Variants in RAB30 observed in about 807,000 individuals in gnomAD.
The protein encoded by RAB30 is RAB30, member RAS oncogene family.
In RAB30, 9 loss-of-function variants were observed where a neutral mutation model predicts 25.1. That is an observed-to-expected ratio of 0.36 (90% CI 0.22 to 0.63). The LOEUF (loss-of-function observed/expected upper bound fraction) is 0.63. RAB30 is among the 20% of genes least tolerant of loss of function. The pLI is 0.69. For missense variants in RAB30, 140 were observed against 243.5 expected (o/e 0.58, Z 2.83); for synonymous variants, 77 against 86.4 (o/e 0.89, Z 0.60).
At chr11:83,050,297 A>G (rs184094518) in intron 1 of RAB30, among the ~76,000 whole-genome samples, 2 of 152,018 alleles carry the variant, frequency 1.3e-5, no homozygotes, top group East Asian at 3.9e-4. Flanking sequence ...GAATCCCTTT[A>G]TTTACTCATT....
chr11:83,061,475 G>C (rs545072636), intron 1 of RAB30, among the ~76,000 whole-genome samples: 1 of 152,142 alleles, frequency 6.6e-6, no homozygotes, highest in Non-Finnish European at 1.5e-5. Context: ...TAATGGTATT[G>C]TGATTACATG....
At chr11:83,048,902 A>G (rs111292648) in intron 1 of RAB30, among the ~76,000 whole-genome samples, 2,852 of 152,032 alleles carry the variant, frequency 0.019, 75 homozygotes, top group East Asian at 0.11. Flanking sequence ...GAGTGGCTGT[A>G]CTCCACCCTT....
intron 1 of RAB30, chr11:83,035,777 C>T (rs900871172): frequency 4.9e-4 from 75 of 152,194 alleles, no homozygotes; most frequent in African/African-American, 1.7e-3. Context: ...GTAATCAGAT[C>T]GAGTATCACT....
At chr11:82,984,551 C>T (rs992444895) in intron 4 of RAB30, among the ~76,000 whole-genome samples, 2 of 152,178 alleles carry the variant, frequency 1.3e-5, no homozygotes, top group African/African-American at 2.4e-5. Context: ...AACACGATGC[C>T]ACGCGTGGTC....
At chr11:83,003,815 ATT>A (rs1459447043) in intron 1 of RAB30, among the ~76,000 whole-genome samples, 1 of 152,066 alleles carries the variant, frequency 6.6e-6, no homozygotes, top group Non-Finnish European at 1.5e-5. Flanking sequence ...AATTATATAA[ATT>A]TTTTTCTATA....
At chr11:83,047,408 C>A (rs923859776) in intron 1 of RAB30, among the ~76,000 whole-genome samples, 2 of 152,172 alleles carry the variant, frequency 1.3e-5, no homozygotes, top group African/African-American at 4.8e-5. Flanking sequence ...ATCTTAATAG[C>A]CATGGACCCA....
At chr11:83,015,380 G>C in intron 1 of RAB30, among the ~76,000 whole-genome samples, 1 of 152,148 alleles carries the variant, frequency 6.6e-6, no homozygotes, top group East Asian at 1.9e-4. Context: ...GGATGGGAAA[G>C]AAAGAAAGAA....
chr11:83,049,349 T>C (rs1858303378), intron 1 of RAB30, among the ~76,000 whole-genome samples: 1 of 149,212 alleles, frequency 6.7e-6, no homozygotes, highest in African/African-American at 2.5e-5. Context: ...AGGCGGAGGT[T>C]GCAGTGAGCC....
chr11:83,005,293 G>T (rs1857161783), intron 1 of RAB30, among the ~76,000 whole-genome samples: 1 of 152,076 alleles, frequency 6.6e-6, no homozygotes, highest in Non-Finnish European at 1.5e-5. Context: ...TTTCTCCTCT[G>T]CCAGAACACA....
At chr11:83,042,791 A>C (rs1858156488) in intron 1 of RAB30, among the ~76,000 whole-genome samples, 1 of 152,214 alleles carries the variant, frequency 6.6e-6, no homozygotes, top group Admixed American at 6.5e-5. Flanking sequence ...TAATTATACA[A>C]ATTCAGATTG....
chr11:83,050,017 G>C (rs1327755217), intron 1 of RAB30, among the ~76,000 whole-genome samples: 1 of 152,108 alleles, frequency 6.6e-6, no homozygotes, highest in Non-Finnish European at 1.5e-5. Flanking sequence ...CAGTGCTTTG[G>C]GAGGCTACAG....
In RAB30 at chr11:82,973,845, GA is replaced by G. The variant is rs1565261505; in HGVS notation, c.*8319del. The G allele has an allele frequency of 6.6e-6, 1 of 152,052 alleles. No homozygotes were observed. The highest frequency in any genetic ancestry group is 2.1e-4 in the South Asian group (1 of 4,822). The allele number at this position is 152,052 out of a possible 1,614,324, so 9.4% of individuals were successfully genotyped here. On this transcript the variant is annotated 3_prime_UTR_variant, in exon 5 of 5. Transcript: ENST00000527633. ...GCAGCATTATTATAATCAAAAGGTGGAAAAAACCCAAATGTCCATCAAATGA... is the reference window on the plus strand; with the variant it reads ...GCAGCATTATTATAATCAAAAGGTGGAAAAACCCAAATGTCCATCAAATGA...
chr11:83,054,219 TGCC>T (rs1336243211), intron 1 of RAB30, among the ~76,000 whole-genome samples: 2 of 152,206 alleles, frequency 1.3e-5, no homozygotes, highest in Non-Finnish European at 1.5e-5. Flanking sequence ...CAGGGTCAGG[TGCC>T]CCTCCTCTAT....
chr11:83,058,234 C>T (rs1858495502), intron 1 of RAB30, among the ~76,000 whole-genome samples: 1 of 152,012 alleles, frequency 6.6e-6, no homozygotes, highest in South Asian at 2.1e-4. Context: ...CTTGTGTTTC[C>T]ACGGTATAAT....
intron 4 of RAB30, among the ~76,000 whole-genome samples, chr11:82,984,580 C>T (rs1159139551): frequency 6.6e-6 from 1 of 152,120 alleles, no homozygotes; most frequent in African/African-American, 2.4e-5. Flanking sequence ...TCTTGTGAGT[C>T]GGAACGCTAG....
intron 1 of RAB30, among the ~76,000 whole-genome samples, chr11:83,051,703 C>A (rs1015844887): frequency 3.0e-4 from 45 of 151,768 alleles, no homozygotes; most frequent in African/African-American, 1.0e-3. Context: ...AAAACAAAAA[C>A]CCTCTTCCCC....
At chr11:83,039,187 T>A (rs891393932) in intron 1 of RAB30, 1 of 152,222 alleles carries the variant, frequency 6.6e-6, no homozygotes, top group Non-Finnish European at 1.5e-5. Flanking sequence ...ATTTATTGAA[T>A]ATATAAATAA....
chr11:83,014,627 A>C (rs952437527), intron 1 of RAB30, among the ~76,000 whole-genome samples: 1 of 138,456 alleles, frequency 7.2e-6, no homozygotes, highest in African/African-American at 2.8e-5. Flanking sequence ...GAAAGAAAGA[A>C]GTAAGAAAAA....
chr11:83,065,833 A>G (rs1306195943), intron 1 of RAB30, among the ~76,000 whole-genome samples: 1 of 152,210 alleles, frequency 6.6e-6, no homozygotes, highest in Non-Finnish European at 1.5e-5. Flanking sequence ...CAACCTTACA[A>G]AGAAACAGAG....
Sources: gnomAD v4.1 joint callset for allele counts (sites outside exome capture counted in the v4.1 genomes callset) on GRCh38, gnomAD v4.1.1 for gene constraint, MANE v1.5 for transcripts, NCBI Gene and HGNC (gene_info 2026-07-23, HGNC 2026-07-21) for gene names.